Variants in TRAPPC9 observed in about 807,000 individuals in gnomAD.
The protein encoded by TRAPPC9 is IKK2 binding protein.
In TRAPPC9, 83 loss-of-function variants were observed where a neutral mutation model predicts 124.0. That is an observed-to-expected ratio of 0.67 (90% CI 0.56 to 0.80). The LOEUF (loss-of-function observed/expected upper bound fraction) is 0.80. Ranked by LOEUF, TRAPPC9 falls within the 30% of genes least tolerant of loss-of-function variation. The probability of loss-of-function intolerance (pLI) is 0.00; values close to 1 mark genes in which losing one functional copy is unlikely to be tolerated. For missense variants in TRAPPC9, 1,302 were observed against 1,508.3 expected, an observed-to-expected ratio of 0.86 and a Z score of 2.27; for synonymous variants, 638 against 617.5, an observed-to-expected ratio of 1.03 and a Z score of -0.49.
chr8:140,056,970 G>A (rs1000715307), intron 17 of TRAPPC9, among the ~76,000 whole-genome samples: 1 of 152,074 alleles, frequency 6.6e-6, no homozygotes, highest in South Asian at 2.1e-4. Context: ...AACTACTGTA[G>A]TTAACTAAAT....
chr8:140,385,820 G>A lies in TRAPPC9; in HGVS notation c.1134+11800C>T, dbSNP rs2068740557. 2.6e-5 allele frequency among the ~76,000 whole-genome samples: 4 copies of A among 152,260 alleles called. No individual in the cohort carries two copies. In the South Asian group the frequency reaches 8.3e-4, roughly 32 times the overall value. ...GAATCCTCCCTAACTCATTTTATGA[G>A]GCCAGCATCATCCTGATACCATAGC... On this transcript the variant is annotated intron_variant, in intron 7 of 22. Coordinates refer to ENST00000438773, the MANE Select transcript of TRAPPC9 (RefSeq NM_001160372.4).
chr8:140,360,018 G>A (rs148737236), intron 9 of TRAPPC9, 32 bp downstream of exon 9: 1 of 1,613,064 alleles, frequency 6.2e-7, no homozygotes, highest in African/African-American at 1.3e-5. Context: ...ACAGTTCCTT[G>A]AAAAAAAACA....
intron 9 of TRAPPC9, among the ~76,000 whole-genome samples, chr8:140,323,887 A>T (rs911601453): frequency 6.8e-5 from 8 of 118,142 alleles, no homozygotes; most frequent in African/African-American, 1.7e-4. Context: ...AAACTTTTTT[A>T]AAAAATATAT....
intron 19 of TRAPPC9, among the ~76,000 whole-genome samples, chr8:139,937,522 G>A (rs563083186): frequency 3.6e-4 from 55 of 152,248 alleles, no homozygotes; most frequent in African/African-American, 1.3e-3. Context: ...AGGAGCAGGC[G>A]GAGGCTGGAG....
intron 17 of TRAPPC9, among the ~76,000 whole-genome samples, chr8:140,043,664 G>A (rs76582723): frequency 0.018 from 2,737 of 152,262 alleles, 71 homozygotes; most frequent in African/African-American, 0.062. Flanking sequence ...CACCTAGATC[G>A]CTGGGCCAAC....
At chr8:139,783,455 A>G (rs1821973327) in intron 21 of TRAPPC9, among the ~76,000 whole-genome samples, 1 of 152,234 alleles carries the variant, frequency 6.6e-6, no homozygotes. Context: ...TGAAAGACAC[A>G]TACTACCAAA....
chr8:139,975,831 CTCT>C (rs1836405406), intron 19 of TRAPPC9, among the ~76,000 whole-genome samples: 1 of 151,948 alleles, frequency 6.6e-6, no homozygotes. Flanking sequence ...CAGCTGCTCT[CTCT>C]TCTAATAAGT....
Position 139,921,300 on chromosome 8 carries a change from C to T in TRAPPC9, c.2811-11000G>A, listed in dbSNP as rs555834881. Among the ~76,000 whole-genome samples the T allele has an allele frequency of 2.0e-5, 3 of 152,350 alleles. No individual in the cohort carries two copies. The South Asian group carries it at 6.2e-4, about 32-fold the overall frequency. ...GAGGGCAGAAGCTTGGGACAAATCA[C>T]ACTGGGTTTGGTTCAGCAGTGTTCA... On this transcript the variant is annotated intron_variant, in intron 19 of 22. Coordinates refer to ENST00000438773, the MANE Select transcript of TRAPPC9 (RefSeq NM_001160372.4).
chr8:139,845,581 C>T (rs988557373), intron 21 of TRAPPC9, among the ~76,000 whole-genome samples: 1 of 152,192 alleles, frequency 6.6e-6, no homozygotes, highest in African/African-American at 2.4e-5. Flanking sequence ...TGTGCAAATT[C>T]CAGGAGGTCT....
At chr8:139,979,447 C>G (rs1171466766) in intron 19 of TRAPPC9, among the ~76,000 whole-genome samples, 7 of 152,172 alleles carry the variant, frequency 4.6e-5, no homozygotes, top group Admixed American at 4.6e-4. Flanking sequence ...GTGCTGCTCG[C>G]AGACAGCTGC....
intron 5 of TRAPPC9, among the ~76,000 whole-genome samples, chr8:140,422,229 A>C (rs1357791898): frequency 6.6e-6 from 1 of 150,532 alleles, no homozygotes. Context: ...TGTCTCCTAG[A>C]ATCGTGAAGA....
At chr8:139,932,295 T>A (rs1381390270) in intron 19 of TRAPPC9, 1 of 457,478 alleles carries the variant, frequency 2.2e-6, no homozygotes, top group East Asian at 6.9e-5. Flanking sequence ...CATGGGAGAA[T>A]GTCCCCACCT....
At chr8:140,287,498 T>C (rs2065521855) in intron 13 of TRAPPC9, 110 bp downstream of exon 13, 2 of 1,436,944 alleles carry the variant, frequency 1.4e-6, no homozygotes, top group Admixed American at 3.4e-5. Context: ...TTCATTATCT[T>C]CTAACTGGTT....
At chr8:140,016,679 T>G (rs1346283465) in intron 18 of TRAPPC9, among the ~76,000 whole-genome samples, 1 of 152,230 alleles carries the variant, frequency 6.6e-6, no homozygotes, top group African/African-American at 2.4e-5. Context: ...CATTGTTTAT[T>G]CATTTACCTG....
At chr8:140,187,658 G>A (rs1221908308) in intron 17 of TRAPPC9, among the ~76,000 whole-genome samples, 10 of 152,036 alleles carry the variant, frequency 6.6e-5, no homozygotes, top group East Asian at 1.9e-4. Context: ...ACTTCTCCTC[G>A]TCGTCCTGGC....
intron 17 of TRAPPC9, among the ~76,000 whole-genome samples, chr8:140,033,567 AT>A (rs1840635558): frequency 1.3e-5 from 2 of 150,810 alleles, no homozygotes; most frequent in South Asian, 4.2e-4. Flanking sequence ...ATAAAATTTC[AT>A]CCAGGGAAAT....
At chr8:139,767,741 CA>C (rs1204113498) in intron 21 of TRAPPC9, among the ~76,000 whole-genome samples, 1 of 152,238 alleles carries the variant, frequency 6.6e-6, no homozygotes, top group Non-Finnish European at 1.5e-5. Context: ...GAGCACGTGG[CA>C]AGGCGCCAGG....
intron 16 of TRAPPC9, among the ~76,000 whole-genome samples, chr8:140,249,056 G>A (rs2064057307): frequency 1.3e-5 from 2 of 152,046 alleles, no homozygotes; most frequent in Non-Finnish European, 2.9e-5. Flanking sequence ...AGATTTAGCG[G>A]GTACGTGTTC....
At chr8:139,861,489 G>A (rs1033771197) in intron 21 of TRAPPC9, among the ~76,000 whole-genome samples, 2 of 152,166 alleles carry the variant, frequency 1.3e-5, no homozygotes, top group Non-Finnish European at 2.9e-5. Flanking sequence ...GTGAACTACT[G>A]ACTAGGACTG....
Sources: allele counts gnomAD v4.1 joint callset (sites outside exome capture counted in the v4.1 genomes callset), GRCh38; gene constraint gnomAD v4.1.1; transcripts MANE v1.5; gene names NCBI Gene and HGNC (gene_info 2026-07-23, HGNC 2026-07-21).